The following DNM1L variants were observed in gnomAD, a reference collection of about 807,000 sequenced individuals.
DNM1L encodes dynamin 1L.
DNM1L carries 33 observed loss-of-function variants against 92.8 expected under a neutral mutation model. That is an observed-to-expected ratio of 0.36 (90% CI 0.27 to 0.48). The LOEUF is 0.48. DNM1L is among the 20% of genes least tolerant of loss of function. DNM1L has a pLI of 0.99. For synonymous variants in DNM1L, 284 were observed against 305.0 expected (o/e 0.93, Z 0.72); for missense variants, 485 against 888.8 (o/e 0.55, Z 5.78).
chr12:32,705,528 A>T (rs778886347), intron 2 of DNM1L: 18 of 297,218 alleles, frequency 6.1e-5, no homozygotes, highest in Non-Finnish European at 9.8e-5. Context: ...ATTATATTGG[A>T]AAGGTTGTTT....
At chr12:32,730,872 A>C (rs1469430730) in intron 9 of DNM1L, 142 bp from the exon 10 acceptor site, 2 of 1,183,834 alleles carry the variant, frequency 1.7e-6, no homozygotes, top group Non-Finnish European at 2.4e-6. Flanking sequence ...GTTAGAACAC[A>C]TGGTAATGGG....
In DNM1L at chr12:32,743,610, A is replaced by G. The variant is rs574604325; in HGVS notation, c.*200A>G. ...ATCCAAATAATAAATGGCTGTTTCTAAAGTTTCCCAGTATATATAAAATAC... is the reference window on the plus strand; with the variant it reads ...ATCCAAATAATAAATGGCTGTTTCTGAAGTTTCCCAGTATATATAAAATAC... On this transcript the variant is annotated 3_prime_UTR_variant, in exon 20 of 20. Transcript: ENST00000549701. The G allele has an allele frequency of 6.9e-6, 4 of 581,822 alleles. No homozygotes were observed. Among genetic ancestry groups the G allele is most frequent in the Non-Finnish European group, 1.2e-5 (4 of 327,822 alleles). The allele number at this position is 581,822 out of a possible 1,614,324, so 36.0% of individuals were successfully genotyped here. A position where few individuals can be genotyped will look rare whatever the true frequency, so the allele number is the denominator to read the frequency against.
intron 2 of DNM1L, chr12:32,705,800 C>T (rs1952898870): frequency 5.0e-6 from 8 of 1,593,000 alleles, no homozygotes; most frequent in Non-Finnish European, 6.8e-6. Flanking sequence ...TAAACTTATT[C>T]TGTGCTGTTT....
chr12:32,719,309 T>C (rs1476668086), intron 7 of DNM1L, among the ~76,000 whole-genome samples: 2 of 152,092 alleles, frequency 1.3e-5, no homozygotes, highest in Non-Finnish European at 2.9e-5. Flanking sequence ...ATGGAAGAAA[T>C]GTTGTAATAG....
intron 9 of DNM1L, among the ~76,000 whole-genome samples, chr12:32,730,407 AAAGC>A (rs1373926588): frequency 6.6e-6 from 1 of 151,800 alleles, no homozygotes; most frequent in Non-Finnish European, 1.5e-5. Flanking sequence ...TAATTTGTCT[AAAGC>A]AAGAGTAGGG....
chr12:32,711,512 T>C (rs1488045948), intron 5 of DNM1L, among the ~76,000 whole-genome samples: 1 of 152,208 alleles, frequency 6.6e-6, no homozygotes, highest in Non-Finnish European at 1.5e-5. Flanking sequence ...TTGGTATTTC[T>C]ATAGTCTTCC....
At chr12:32,689,121 T>A (rs538266397) in intron 1 of DNM1L, among the ~76,000 whole-genome samples, 1 of 152,352 alleles carries the variant, frequency 6.6e-6, no homozygotes, top group African/African-American at 2.4e-5. Flanking sequence ...ATGAAGTGGT[T>A]TAAACTTCAT....
intron 19 of DNM1L, 88 bp from the exon 20 acceptor site, chr12:32,743,266 A>G: frequency 1.7e-6 from 2 of 1,163,054 alleles, no homozygotes; most frequent in Admixed American, 1.9e-5. Context: ...AACCTACCAC[A>G]TATATATTGG....
Position 32,679,462 on chromosome 12 carries a change from G to T in DNM1L, c.99G>T (p.Thr33=). Residue 33 remains threonine, a synonymous_variant, in exon 1 of 20, where the codon ACG becomes ACT. Transcript: ENST00000549701. ...TGCCTCAAATCGTCGTAGTGGGAACGCAGGTGAGAGCAGCAGGCGGCGTTC... is the reference window on the plus strand; with the variant it reads ...TGCCTCAAATCGTCGTAGTGGGAACTCAGGTGAGAGCAGCAGGCGGCGTTC... The part of the protein sequence containing the change: ...IQLPQIVVVG[T]QSSGKSSVLE... 1.9e-6 allele frequency: 3 copies of T among 1,611,094 alleles called. No individual in the cohort carries two copies. The highest frequency in any genetic ancestry group is 2.5e-6 in the Non-Finnish European group (3 of 1,179,294).
At position 32,722,471 on chromosome 12, in the gene DNM1L, C is replaced by T; in HGVS notation, c.917C>T (p.Thr306Ile). The change falls in exon 9 of 20, where the codon ACA (threonine) becomes ATA (isoleucine). Residue 306 changes from threonine (T) to isoleucine (I), a missense_variant. This residue lies in a region of DNM1L where 40 missense variants were observed against 128.7 expected (regional missense o/e 0.31). Transcript: ENST00000549701. ...HIRDCLPELK[T>I]RINVLAAQYQ... ...AGAGATTGTTTACCAGAGTTGAAAA[C>T]AAGAATAAATGTTCTAGCTGCTCAG... The T allele has an allele frequency of 6.2e-7, 1 of 1,613,078 alleles. No homozygotes were observed. The highest frequency in any genetic ancestry group is 8.5e-7 in the Non-Finnish European group (1 of 1,179,958).
At chr12:32,713,069 T>A in intron 5 of DNM1L, 140 bp from the exon 6 acceptor site, 4 of 769,272 alleles carry the variant, frequency 5.2e-6, no homozygotes. Flanking sequence ...ATAAATACCA[T>A]TGTAGTATAT....
chr12:32,737,979 G>C (rs1440626774), intron 15 of DNM1L, 37 bp downstream of exon 15: 6 of 1,589,090 alleles, frequency 3.8e-6, no homozygotes, highest in Non-Finnish European at 5.2e-6. Context: ...TGCATGCCTT[G>C]TTCTCTGGTA....
intron 16 of DNM1L, 91 bp from the exon 17 acceptor site, chr12:32,739,973 T>G: frequency 1.3e-6 from 2 of 1,524,378 alleles, no homozygotes; most frequent in Non-Finnish European, 1.8e-6. Flanking sequence ...GGGTACTGGA[T>G]GTATATTGAC....
chr12:32,694,975 A>T (rs1952381030), intron 1 of DNM1L, among the ~76,000 whole-genome samples: 1 of 152,164 alleles, frequency 6.6e-6, no homozygotes, highest in Non-Finnish European at 1.5e-5. Context: ...TGAAGGGACT[A>T]GCGCTCCTTC....
intron 1 of DNM1L, 156 bp downstream of exon 1, chr12:32,679,621 G>C: frequency 7.4e-7 from 1 of 1,351,804 alleles, no homozygotes; most frequent in East Asian, 3.0e-5. Flanking sequence ...GGCTCTCCGG[G>C]CTCTGCCGCA....
chr12:32,714,085 C>A (rs1953253826), intron 6 of DNM1L, among the ~76,000 whole-genome samples: 1 of 152,038 alleles, frequency 6.6e-6, no homozygotes, highest in Non-Finnish European at 1.5e-5. Context: ...TTGTTGCTAA[C>A]AAATGTATGC....
At chr12:32,738,802 A>T (rs1955084896) in intron 16 of DNM1L, among the ~76,000 whole-genome samples, 1 of 152,204 alleles carries the variant, frequency 6.6e-6, no homozygotes. Flanking sequence ...AAAATTAAAT[A>T]ATGTATAAAT....
At chr12:32,679,854 G>T (rs979479823) in intron 1 of DNM1L, 8 of 996,692 alleles carry the variant, frequency 8.0e-6, no homozygotes, top group African/African-American at 1.7e-5. Flanking sequence ...CTCGGGTCTC[G>T]CTGGGCTCGG....
Position 32,724,667 on chromosome 12 carries a change from AAAT to A in DNM1L, c.1079+2042_1079+2044del, listed in dbSNP as rs1333616666. On this transcript the variant is annotated intron_variant, in intron 9 of 19. Transcript: ENST00000549701. ...ATTAAATATTTAATATATATATAAA[AAAT>A]AATAATATATATAATAATATATATA... Among the ~76,000 whole-genome samples the A allele has an allele frequency of 7.5e-4, 106 of 140,838 alleles. No homozygotes were observed. The South Asian group carries it at 0.015, about 20-fold the overall frequency. The allele number at this position is 140,838 out of a possible 152,430, so 92.4% of individuals were successfully genotyped here.
Sources: allele counts gnomAD v4.1 joint callset (sites outside exome capture counted in the v4.1 genomes callset), GRCh38; gene constraint gnomAD v4.1.1; regional missense constraint gnomAD v4.1.1; transcripts MANE v1.5; gene names NCBI Gene and HGNC (gene_info 2026-07-23, HGNC 2026-07-21).